PTDSS2: variants seen among roughly 807,000 people sequenced by gnomAD.
PTDSS2 encodes the protein phosphatidylserine synthase 2.
In PTDSS2, 41 loss-of-function variants were observed where a neutral mutation model predicts 64.7. The ratio of observed to expected loss-of-function variants is 0.63; its 90% CI spans 0.49 to 0.82. The LOEUF is 0.82. Among genes scored for constraint, PTDSS2 ranks in the 40% least tolerant of loss-of-function variants. PTDSS2 has a pLI of 0.00. For synonymous variants in PTDSS2, 297 were observed against 277.8 expected (o/e 1.07, Z -0.69); for missense variants, 485 against 650.0 (o/e 0.75, Z 2.76).
At chr11:474,108 CCA>C in intron 3 of PTDSS2, 131 bp downstream of exon 3, 1 of 774,820 alleles carries the variant, frequency 1.3e-6, no homozygotes, top group Non-Finnish European at 2.3e-6. Context: ...GCCTCCGAGG[CCA>C]CTTCCCACAT....
intron 4 of PTDSS2, 42 bp from the exon 5 acceptor site, chr11:486,897 C>A: frequency 1.3e-6 from 2 of 1,555,930 alleles, no homozygotes; most frequent in South Asian, 1.2e-5. Flanking sequence ...CAAGTTGCCA[C>A]CACTAACTGT....
At position 487,063 on chromosome 11, in the gene PTDSS2, A is replaced by G; in HGVS notation, c.560A>G (p.His187Arg). ...CCAGACAATGAGACTGACCCCTTTCACAACATCTGGGTAAGACGCCGGGGG... is the reference window on the plus strand; with the variant it reads ...CCAGACAATGAGACTGACCCCTTTCGCAACATCTGGGTAAGACGCCGGGGG... ...YDPDNETDPF[H>R]NIWDKLDGFV... The change falls in exon 5 of 12, where the codon CAC (histidine) becomes CGC (arginine). Residue 187 changes from histidine (H) to arginine (R), a missense_variant. By Grantham distance (29) the His-to-Arg change is conservative. This residue lies in a region of PTDSS2 where 251 missense variants were observed against 348.0 expected (regional missense o/e 0.72). Coordinates refer to ENST00000308020, the MANE Select transcript of PTDSS2 (RefSeq NM_030783.3). The G allele has an allele frequency of 1.2e-6, 2 of 1,613,058 alleles. No individual in the cohort carries two copies. The highest frequency in any genetic ancestry group is 2.7e-5 in the African/African-American group (2 of 75,012).
chr11:488,837 T>C (rs1307488838), intron 8 of PTDSS2, among the ~76,000 whole-genome samples, 190 bp downstream of exon 8: 1 of 152,168 alleles, frequency 6.6e-6, no homozygotes, highest in East Asian at 1.9e-4. Flanking sequence ...CCCCTCACAG[T>C]GGCCATGGCG....
rs756168091 is a variant in PTDSS2 at position 488,331 on chromosome 11, C to G, written c.735+19C>G. On this transcript the variant is annotated intron_variant, in intron 7 of 11. Coordinates refer to ENST00000308020, the MANE Select transcript of PTDSS2 (RefSeq NM_030783.3). ...GGATCACGTAGGTGCCAGCACAGCC[C>G]CCGGGGCAGTCGGTGCAGGCTGAGG... 58 of 1,593,116 alleles carry G rather than the reference C, an allele frequency of 3.6e-5. No individual in the cohort carries two copies. The highest frequency in any genetic ancestry group is 5.0e-5 in the Admixed American group (3 of 59,968).
chr11:474,982 T>TTG (rs199709998), intron 3 of PTDSS2, among the ~76,000 whole-genome samples: 1 of 150,572 alleles, frequency 6.6e-6, no homozygotes, highest in African/African-American at 2.4e-5. Context: ...GTTCACGCGT[T>TTG]TGTGATACGG....
In PTDSS2 at chr11:451,283, C is replaced by T. The variant is rs1046051590; in HGVS notation, c.182+646C>T. 4.3e-5 allele frequency: 17 copies of T among 399,572 alleles called. 1 individual carries two copies. The highest frequency in any genetic ancestry group is 7.3e-5 in the Non-Finnish European group (14 of 190,586). 24.8% of individuals were successfully genotyped at this position (399,572 alleles called of 1,614,324 possible). ...CCTTGGGGTCCCCCTGTCCGCCACT[C>T]TGCCTTTAATGGGGGTGGAAAAGGA... On this transcript the variant is annotated intron_variant, in intron 1 of 11. Coordinates refer to ENST00000308020, the MANE Select transcript of PTDSS2 (RefSeq NM_030783.3).
intron 2 of PTDSS2, among the ~76,000 whole-genome samples, chr11:469,205 GTC>G (rs1367659870): frequency 5.8e-5 from 7 of 120,850 alleles, no homozygotes; most frequent in Non-Finnish European, 1.2e-4. Flanking sequence ...GAGGAGGGGA[GTC>G]TCTGGGTAAT....
At chr11:468,785 TGGAGGAGGGGAGTCTCTGGGTAATC>T (rs1564972193) in intron 2 of PTDSS2, among the ~76,000 whole-genome samples, 2 of 95,478 alleles carry the variant, frequency 2.1e-5, no homozygotes, top group Non-Finnish European at 4.3e-5. Context: ...TCTGGGTAAT[TGGAGGAGGGGAGTCTCTGGGTAATC>T]GGAGGAGGGG....
At chr11:463,989 T>C (rs1158320440) in intron 2 of PTDSS2, 1 of 151,988 alleles carries the variant, frequency 6.6e-6, no homozygotes, top group Admixed American at 6.5e-5. Context: ...TTTTTCTTTT[T>C]TTTTTCTTTT....
intron 7 of PTDSS2, 22 bp from the exon 8 acceptor site, chr11:488,507 G>A (rs1848509509): frequency 3.1e-6 from 5 of 1,599,556 alleles, no homozygotes; most frequent in South Asian, 1.1e-5. Context: ...CCCCTGCAAC[G>A]AGTGCTGGCC....
chr11:488,504 A>G, intron 7 of PTDSS2, 25 bp from the exon 8 acceptor site: 1 of 1,595,944 alleles, frequency 6.3e-7, no homozygotes, highest in Non-Finnish European at 8.6e-7. Context: ...TCACCCCTGC[A>G]ACGAGTGCTG....
At position 490,787 on chromosome 11, in the gene PTDSS2, T is replaced by TGCGTGTGTGTACACGTGTAC. The variant is rs1848643687; in HGVS notation, c.*217_*218insACGTGTACGCGTGTGTGTAC. On this transcript the variant is annotated 3_prime_UTR_variant, in exon 12 of 12. Coordinates refer to ENST00000308020, the MANE Select transcript of PTDSS2 (RefSeq NM_030783.3). The stretch of plus-strand genomic sequence containing the variant: ...ATGTGTACACGTGTGTACGTGTGTA[T>TGCGTGTGTGTACACGTGTAC]GCGTGTGTGTACGCGTGTGTACGCG... The TGCGTGTGTGTACACGTGTAC allele has an allele frequency of 5.2e-6, 3 of 574,018 alleles. No homozygotes were observed. The highest frequency in any genetic ancestry group is 6.1e-6 in the Non-Finnish European group (2 of 327,076). 35.6% of individuals were successfully genotyped at this position (574,018 alleles called of 1,614,324 possible).
intron 1 of PTDSS2, among the ~76,000 whole-genome samples, chr11:456,971 A>G (rs1024836057): frequency 6.6e-6 from 1 of 152,182 alleles, no homozygotes; most frequent in East Asian, 1.9e-4. Context: ...AGAAGAATTC[A>G]CTTTCATGCC....
At chr11:485,654 C>CTG (rs1304300606) in intron 4 of PTDSS2, among the ~76,000 whole-genome samples, 1 of 134,658 alleles carries the variant, frequency 7.4e-6, no homozygotes, top group African/African-American at 2.8e-5. Flanking sequence ...TGTGTGCTCA[C>CTG]TGTGCGCAGG....
intron 4 of PTDSS2, among the ~76,000 whole-genome samples, chr11:485,665 C>T (rs570006789): frequency 7.2e-6 from 1 of 138,084 alleles, no homozygotes; most frequent in African/African-American, 2.8e-5. Flanking sequence ...TGTGCGCAGG[C>T]GAGTTTAAAC....
At chr11:463,902 A>G (rs1056746695) in intron 2 of PTDSS2, 2 of 152,238 alleles carry the variant, frequency 1.3e-5, no homozygotes, top group African/African-American at 4.8e-5. Flanking sequence ...TTATAAAACT[A>G]GTGTGTCTTT....
Position 488,657 on chromosome 11 carries a change from G to T in PTDSS2, c.854+10G>T, listed in dbSNP as rs1564997644. ...ACATTCCGACCTACAAGTACGTCGT[G>T]GGGGCTGCGAGGGCAGGGCCGGGTG... is the stretch of plus-strand genomic sequence containing the variant. On this transcript the variant is annotated intron_variant, in intron 8 of 11. Transcript: ENST00000308020. 1.3e-6 allele frequency: 2 copies of T among 1,593,852 alleles called. No homozygotes were observed. Among genetic ancestry groups the T allele is most frequent in the African/African-American group, 1.3e-5 (1 of 74,284 alleles).
At chr11:487,355 C>A in intron 5 of PTDSS2, 65 bp from the exon 6 acceptor site, 2 of 1,443,846 alleles carry the variant, frequency 1.4e-6, no homozygotes, top group Non-Finnish European at 2.0e-6. Flanking sequence ...GTGGGCTGAT[C>A]TGCCGGTGTG....
chr11:478,073 G>A (rs1397830833), intron 3 of PTDSS2, among the ~76,000 whole-genome samples: 1 of 152,184 alleles, frequency 6.6e-6, no homozygotes, highest in East Asian at 1.9e-4. Context: ...GCTGCTCGGA[G>A]CCGTGGGAAG....
Sources: allele counts gnomAD v4.1 joint callset (sites outside exome capture counted in the v4.1 genomes callset), GRCh38; gene constraint gnomAD v4.1.1; regional missense constraint gnomAD v4.1.1; transcripts MANE v1.5; gene names NCBI Gene and HGNC (gene_info 2026-07-23, HGNC 2026-07-21).